FOXK1: variants seen among roughly 807,000 people sequenced by gnomAD.
FOXK1 encodes the protein forkhead box K1.
FOXK1 carries 19 observed loss-of-function variants against 51.9 expected under a neutral mutation model. That is an observed-to-expected ratio of 0.37 (90% CI 0.26 to 0.54). The LOEUF is 0.54. Among genes scored for constraint, FOXK1 ranks in the 20% least tolerant of loss-of-function variants. FOXK1 has a pLI of 0.87. For synonymous variants in FOXK1, 537 were observed against 482.6 expected, an observed-to-expected ratio of 1.11 and a Z score of -1.48; for missense variants, 870 against 1,032.7, an observed-to-expected ratio of 0.84 and a Z score of 2.16.
intron 1 of FOXK1, among the ~76,000 whole-genome samples, chr7:4,732,542 C>T (rs895260267): frequency 6.6e-6 from 1 of 152,184 alleles, no homozygotes; most frequent in Non-Finnish European, 1.5e-5. Flanking sequence ...GATCGTCCCA[C>T]CTCAGCCTTC....
chr7:4,729,177 G>A lies in FOXK1; in HGVS notation c.561-11661G>A, dbSNP rs1040274420. ...TCTGTTTAAGCCACACAGCATGGTG[G>A]GGAGCGGAGGTGATTTCGGAGCCTA... On this transcript the variant is annotated intron_variant, in intron 1 of 8. Coordinates refer to ENST00000328914, the MANE Select transcript of FOXK1 (RefSeq NM_001037165.2). This position sits in a 1 kb window ranked among gnomAD's most constrained non-coding sequence, Gnocchi z 6.2. Among the ~76,000 whole-genome samples, 1 of 152,180 alleles carries A rather than the reference G, an allele frequency of 6.6e-6. No homozygotes were observed. The highest frequency in any genetic ancestry group is 1.5e-5 in the Non-Finnish European group (1 of 68,036).
At chr7:4,694,252 GTTTTA>G (rs954980710) in intron 1 of FOXK1, among the ~76,000 whole-genome samples, 16 of 151,404 alleles carry the variant, frequency 1.1e-4, no homozygotes, top group Admixed American at 5.9e-4. Flanking sequence ...GTTTTTTTTT[GTTTTA>G]TTTTATTTTT....
chr7:4,729,961 G>A lies in FOXK1; in HGVS notation c.561-10877G>A, dbSNP rs1780428843. On this transcript the variant is annotated intron_variant, in intron 1 of 8. Transcript: ENST00000328914. This position sits in a 1 kb window ranked among gnomAD's most constrained non-coding sequence, Gnocchi z 6.2. ...GCTGAGATCCAGCCACTGCCCTCCAGCCTGGGCGACAGAGCGAGACTCTGT... is the reference window on the plus strand; with the variant it reads ...GCTGAGATCCAGCCACTGCCCTCCAACCTGGGCGACAGAGCGAGACTCTGT... 6.6e-6 allele frequency among the ~76,000 whole-genome samples: 1 copy of A among 152,160 alleles called. No homozygotes were observed.
chr7:4,691,672 G>T (rs566923472), intron 1 of FOXK1, among the ~76,000 whole-genome samples: 1 of 152,132 alleles, frequency 6.6e-6, no homozygotes, highest in Non-Finnish European at 1.5e-5. Context: ...GAAGAATCTC[G>T]TCTGCCCTCA....
In FOXK1 at chr7:4,682,409, T is replaced by G; in HGVS notation, c.101T>G (p.Phe34Cys). The G allele has an allele frequency of 1.0e-6, 1 of 979,356 alleles. No homozygotes were observed. Among genetic ancestry groups the G allele is most frequent in the Non-Finnish European group, 1.2e-6 (1 of 828,022 alleles). The allele number at this position is 979,356 out of a possible 1,614,324, so 60.7% of individuals were successfully genotyped here. The change falls in exon 1 of 9, where the codon TTC becomes TGC. Residue 34 changes from phenylalanine to cysteine, a missense_variant. This residue lies in a region of FOXK1 where 399 missense variants were observed against 475.6 expected (regional missense o/e 0.84). Transcript: ENST00000328914. The surrounding 1 kb of genome is among the most constrained non-coding windows in gnomAD (Gnocchi z 7.6). ...TGCGCCGCAGCCGCCGCCGCCGCCT[T>G]CCCCGCGGCCGCACCCCCGCCGGCC... The part of the protein sequence containing the change: ...VLCAAAAAAA[F>C]PAAAPPPAPA...
rs188616811 is a variant in FOXK1 at position 4,717,614 on chromosome 7, G to A, written c.561-23224G>A. On this transcript the variant is annotated intron_variant, in intron 1 of 8. Transcript: ENST00000328914. ...GCTGTAAGGCAAGTGTCTGTGAAGC[G>A]CATGACGGGAGGTACTCCACCCTAG... 4.3e-4 allele frequency among the ~76,000 whole-genome samples: 65 copies of A among 152,214 alleles called. 1 individual carries two copies. The highest frequency in any genetic ancestry group is 3.5e-3 in the South Asian group (17 of 4,828).
Position 4,689,137 on chromosome 7 carries a change from C to T in FOXK1, c.560+6269C>T, listed in dbSNP as rs369633722. ...GGATTACAGGCATCCACCACCACGCCTGGCTAATTTTTGTATTTTTAGTAG... is the reference window on the plus strand; with the variant it reads ...GGATTACAGGCATCCACCACCACGCTTGGCTAATTTTTGTATTTTTAGTAG... On this transcript the variant is annotated intron_variant, in intron 1 of 8. Transcript: ENST00000328914. Among the ~76,000 whole-genome samples the T allele has an allele frequency of 2.4e-4, 36 of 152,224 alleles. No individual in the cohort carries two copies. In the South Asian group the frequency reaches 7.5e-3, roughly 32 times the overall value.
intron 1 of FOXK1, among the ~76,000 whole-genome samples, chr7:4,736,001 T>A (rs1055508246): frequency 1.3e-5 from 2 of 152,164 alleles, no homozygotes; most frequent in East Asian, 3.9e-4. Flanking sequence ...ATACAAAACT[T>A]AGCTGGGCTC....
rs575235416 is a variant in FOXK1 at position 4,736,335 on chromosome 7, TC to T, written c.561-4500del. 6.3e-3 allele frequency among the ~76,000 whole-genome samples: 959 copies of T among 152,136 alleles called. 6 individuals are homozygous for T. The highest frequency in any genetic ancestry group is 0.011 in the Non-Finnish European group (730 of 68,010). On this transcript the variant is annotated intron_variant, in intron 1 of 8. Transcript: ENST00000328914. ...CTATAGATGGCATTAGATCCCTAGA[TC>T]CCTGCCTGTCCTATAAAACATCGTT...
intron 1 of FOXK1, among the ~76,000 whole-genome samples, chr7:4,725,557 G>A (rs1780369806): frequency 6.6e-6 from 1 of 152,212 alleles, no homozygotes; most frequent in South Asian, 2.1e-4. Flanking sequence ...CTGCCTTTGT[G>A]CGGCCGGGCC....
intron 1 of FOXK1, among the ~76,000 whole-genome samples, chr7:4,692,265 G>C (rs1275507152): frequency 6.6e-6 from 1 of 152,216 alleles, no homozygotes; most frequent in African/African-American, 2.4e-5. Context: ...GCGTGTTCAG[G>C]CTGAAGTACA....
intron 1 of FOXK1, among the ~76,000 whole-genome samples, chr7:4,713,150 T>C (rs1296801529): frequency 6.6e-6 from 1 of 152,230 alleles, no homozygotes; most frequent in African/African-American, 2.4e-5. Context: ...CCTATTAATT[T>C]GCTAGTTACT....
rs1445885382 is a variant in FOXK1, at chr7:4,761,595, G to A, written c.1921+307G>A. On this transcript the variant is annotated intron_variant, in intron 8 of 8. Coordinates refer to ENST00000328914, the MANE Select transcript of FOXK1 (RefSeq NM_001037165.2). The surrounding 1 kb of genome is among the most constrained non-coding windows in gnomAD (Gnocchi z 6.2). ...ATTCAAAAACTTAGCCAGGTGTGGTGTTGCACGCTCATGGTCCCAGCTGCT... is the reference window on the plus strand; with the variant it reads ...ATTCAAAAACTTAGCCAGGTGTGGTATTGCACGCTCATGGTCCCAGCTGCT... 6.6e-6 allele frequency among the ~76,000 whole-genome samples: 1 copy of A among 152,116 alleles called. No homozygotes were observed. The highest frequency in any genetic ancestry group is 1.5e-5 in the Non-Finnish European group (1 of 68,028).
At chr7:4,706,957 C>T (rs556816304) in intron 1 of FOXK1, among the ~76,000 whole-genome samples, 4 of 152,342 alleles carry the variant, frequency 2.6e-5, no homozygotes, top group Middle Eastern at 6.8e-3. Flanking sequence ...CCTAGACTTC[C>T]GGGCCACTTC....
chr7:4,757,823 C>T lies in FOXK1; in HGVS notation c.1244+636C>T, dbSNP rs1002965071. On this transcript the variant is annotated intron_variant, in intron 5 of 8. Transcript: ENST00000328914. ...CATTTCTATGAGGAACTTGGGTAAG[C>T]ATCTGCAGATTTGGTACCCACAACC... Among the ~76,000 whole-genome samples, 7 of 152,016 alleles carry T rather than the reference C, an allele frequency of 4.6e-5. No individual in the cohort carries two copies. The East Asian group carries it at 9.6e-4, about 21-fold the overall frequency.
intron 1 of FOXK1, among the ~76,000 whole-genome samples, chr7:4,728,389 G>A (rs139796460): frequency 3.2e-3 from 492 of 152,292 alleles, no homozygotes; most frequent in African/African-American, 9.2e-3. Flanking sequence ...CTGCTGTTGA[G>A]CATTAAGCTC....
rs1780503643 is a variant in FOXK1, at chr7:4,733,059, G to A, written c.561-7779G>A. 6.6e-6 allele frequency among the ~76,000 whole-genome samples: 1 copy of A among 152,196 alleles called. No homozygotes were observed. The highest frequency in any genetic ancestry group is 2.1e-4 in the South Asian group (1 of 4,834). On this transcript the variant is annotated intron_variant, in intron 1 of 8. Transcript: ENST00000328914. This position sits in a 1 kb window ranked among gnomAD's most constrained non-coding sequence, Gnocchi z 5.0. Reference sequence around the variant, plus strand: ...CTGCACAGCTCTGGGCTCCTGCACAGCTTCTGTTCTGGGGCTTTTCACCCT... The same window carrying A: ...CTGCACAGCTCTGGGCTCCTGCACAACTTCTGTTCTGGGGCTTTTCACCCT...
Position 4,756,020 on chromosome 7 carries a change from G to A in FOXK1, c.1050+637G>A, listed in dbSNP as rs1024273754. Among the ~76,000 whole-genome samples, 16 of 152,324 alleles carry A rather than the reference G, an allele frequency of 1.1e-4. No homozygotes were observed. The highest frequency in any genetic ancestry group is 1.0e-3 in the South Asian group (5 of 4,826). ...GTCTGAATTGTGGATGGCATTTTAA[G>A]AGCTTTGTCCACACCAGCCATGACT... On this transcript the variant is annotated intron_variant, in intron 4 of 8. Coordinates refer to ENST00000328914, the MANE Select transcript of FOXK1 (RefSeq NM_001037165.2). The surrounding 1 kb of genome is among the most constrained non-coding windows in gnomAD (Gnocchi z 4.1).
chr7:4,695,715 T>G (rs1378335901), intron 1 of FOXK1, among the ~76,000 whole-genome samples: 4 of 152,054 alleles, frequency 2.6e-5, no homozygotes, highest in African/African-American at 9.7e-5. Flanking sequence ...TGTGGGAGGA[T>G]CACCTGAGGT....
Sources: allele counts gnomAD v4.1 joint callset (sites outside exome capture counted in the v4.1 genomes callset), GRCh38; gene constraint gnomAD v4.1.1; regional missense constraint gnomAD v4.1.1; non-coding constraint Gnocchi (gnomAD v3.1); transcripts MANE v1.5; gene names NCBI Gene and HGNC (gene_info 2026-07-23, HGNC 2026-07-21).